PSPC1: variants seen among roughly 807,000 people sequenced by gnomAD.
The protein encoded by PSPC1 is paraspeckle protein 1.
In PSPC1, 14 loss-of-function variants were observed where a neutral mutation model predicts 51.6. The ratio of observed to expected loss-of-function variants is 0.27; its 90% confidence interval spans 0.18 to 0.42. PSPC1 has a LOEUF of 0.42. Ranked by LOEUF, PSPC1 falls within the 10% of genes least tolerant of loss-of-function variation. The probability of loss-of-function intolerance (pLI) is 1.00; values close to 1 mark genes in which losing one functional copy is unlikely to be tolerated. For missense variants in PSPC1, 406 were observed against 701.1 expected (o/e 0.58, Z 4.75); for synonymous variants, 193 against 231.9 (o/e 0.83, Z 1.53).
intron 4 of PSPC1, among the ~76,000 whole-genome samples, chr13:19,744,689 C>CA (rs1277991677): frequency 2.0e-5 from 3 of 152,082 alleles, no homozygotes; most frequent in Non-Finnish European, 4.4e-5. Context: ...CTCAGCCTCC[C>CA]AAGTAGCTGG....
At chr13:19,776,878 C>A (rs1272914949) in intron 1 of PSPC1, among the ~76,000 whole-genome samples, 1 of 151,212 alleles carries the variant, frequency 6.6e-6, no homozygotes, top group African/African-American at 2.4e-5. Flanking sequence ...GTAATCCCAG[C>A]ACTTTGGGAG....
At chr13:19,677,189 T>C (rs375956885) in intron 7 of PSPC1, among the ~76,000 whole-genome samples, 4,619 of 146,616 alleles carry the variant, frequency 0.032, 103 homozygotes, top group South Asian at 0.07. Context: ...GCCAAGATCG[T>C]GCCACTGCAC....
At chr13:19,740,828 G>C (rs1885364103) in intron 5 of PSPC1, among the ~76,000 whole-genome samples, 1 of 151,554 alleles carries the variant, frequency 6.6e-6, no homozygotes, top group African/African-American at 2.4e-5. Context: ...TATGTACTGA[G>C]ATTTTAAGTC....
At chr13:19,675,467 C>T (rs1426000626) in intron 7 of PSPC1, 2 of 151,924 alleles carry the variant, frequency 1.3e-5, no homozygotes, top group East Asian at 3.8e-4. Flanking sequence ...TACACTTATT[C>T]TGGAGATCAT....
At chr13:19,765,915 ATTT>A (rs1043958556) in intron 2 of PSPC1, among the ~76,000 whole-genome samples, 1 of 152,062 alleles carries the variant, frequency 6.6e-6, no homozygotes, top group African/African-American at 2.4e-5. Flanking sequence ...TTCTTAAAGA[ATTT>A]TTTTTGTCTA....
At chr13:19,671,212 C>T, downstream of PSPC1, 1 of 1,613,680 alleles carries the variant, frequency 6.2e-7, no homozygotes. Flanking sequence ...GTAGGACAGT[C>T]ATTTTGTTTA....
chr13:19,737,113 G>C (rs1217708044), intron 5 of PSPC1: 1 of 152,212 alleles, frequency 6.6e-6, no homozygotes, highest in African/African-American at 2.4e-5. Context: ...AGGTAACCTG[G>C]TAGTCCCCTG....
chr13:19,765,964 C>G (rs1025207411), intron 2 of PSPC1, among the ~76,000 whole-genome samples: 9 of 152,064 alleles, frequency 5.9e-5, no homozygotes, highest in South Asian at 4.2e-4. Context: ...TATGATAAAG[C>G]AAATAAAATG....
intron 8 of PSPC1, 108 bp downstream of exon 8, chr13:19,705,554 A>G: frequency 1.3e-6 from 1 of 784,288 alleles, no homozygotes. Flanking sequence ...TTTCTTCTTC[A>G]TTGGCTGCCA....
At chr13:19,679,720 C>G (rs1313672778) in intron 6 of PSPC1, among the ~76,000 whole-genome samples, 3 of 152,100 alleles carry the variant, frequency 2.0e-5, no homozygotes, top group African/African-American at 7.2e-5. Context: ...TCAGGATCTG[C>G]AGATTTTGAT....
chr13:19,766,017 A>C (rs1400354821), intron 2 of PSPC1, among the ~76,000 whole-genome samples: 2 of 152,236 alleles, frequency 1.3e-5, no homozygotes, highest in African/African-American at 2.4e-5. Context: ...TAAAATAGGA[A>C]AAGTACAAAA....
Position 19,705,415 on chromosome 13 carries a change from C to T in PSPC1, c.1386+247G>A, listed in dbSNP as rs146173718. 3.7e-4 allele frequency among the ~76,000 whole-genome samples: 56 copies of T among 152,180 alleles called. 2 individuals carry two copies. The East Asian group carries it at 0.011, about 29-fold the overall frequency. On this transcript the variant is annotated intron_variant, in intron 8 of 8. Transcript: ENST00000338910. ...GGCTGAGGCAGGAGAATTGCTTGAA[C>T]CTAGAAGGTGGAGGTTGCAGCAAGC...
intron 6 of PSPC1, among the ~76,000 whole-genome samples, chr13:19,715,510 A>G (rs1055534305): frequency 6.6e-6 from 1 of 152,164 alleles, no homozygotes; most frequent in Non-Finnish European, 1.5e-5. Flanking sequence ...AAACACCAAC[A>G]CGATGCCCAA....
rs1593676350 is a variant in PSPC1, at chr13:19,740,667, G to T, written c.1052+898C>A. 2.0e-5 allele frequency among the ~76,000 whole-genome samples: 3 copies of T among 152,166 alleles called. 1 individual carries two copies. The highest frequency in any genetic ancestry group is 3.9e-4 in the East Asian group (2 of 5,176). On this transcript the variant is annotated intron_variant, in intron 5 of 8. Coordinates refer to ENST00000338910, the MANE Select transcript of PSPC1 (RefSeq NM_001354909.2). Reference sequence around the variant, plus strand: ...CTAGTATGATTTTTGAACCTTTGAAGAGTAATGTTTATACCATTATATTTT... The same window carrying T: ...CTAGTATGATTTTTGAACCTTTGAATAGTAATGTTTATACCATTATATTTT...
intron 4 of PSPC1, among the ~76,000 whole-genome samples, chr13:19,744,987 A>G (rs1023215223): frequency 1.3e-5 from 2 of 152,220 alleles, no homozygotes; most frequent in African/African-American, 4.8e-5. Context: ...ACTAAACCAA[A>G]TAACACTTTG....
intron 1 of PSPC1, among the ~76,000 whole-genome samples, chr13:19,773,327 G>A (rs758259187): frequency 2.1e-5 from 3 of 141,524 alleles, no homozygotes; most frequent in Non-Finnish European, 3.0e-5. Context: ...TCGGCTCACT[G>A]TAACCTCTGC....
chr13:19,751,224 A>G, intron 4 of PSPC1, 47 bp downstream of exon 4: 1 of 1,471,564 alleles, frequency 6.8e-7, no homozygotes, highest in Non-Finnish European at 9.0e-7. Context: ...CACACACTTA[A>G]GGGAAAAAAA....
At chr13:19,729,304 A>G (rs1883747370) in intron 6 of PSPC1, among the ~76,000 whole-genome samples, 1 of 152,182 alleles carries the variant, frequency 6.6e-6, no homozygotes, top group South Asian at 2.1e-4. Context: ...TTGGAGGCTG[A>G]GGTGGGCAGA....
At chr13:19,691,624 G>C (rs1194499599) in intron 6 of PSPC1, among the ~76,000 whole-genome samples, 1 of 151,954 alleles carries the variant, frequency 6.6e-6, no homozygotes, top group East Asian at 2.0e-4. Flanking sequence ...GCACTTATAA[G>C]AGATTTACAA....
Sources: allele counts gnomAD v4.1 joint callset (sites outside exome capture counted in the v4.1 genomes callset), GRCh38; gene constraint gnomAD v4.1.1; transcripts MANE v1.5; gene names NCBI Gene and HGNC (gene_info 2026-07-23, HGNC 2026-07-21).